The following MRPS9 variants were observed in gnomAD, a reference collection of about 807,000 sequenced individuals.
MRPS9 encodes mitochondrial ribosomal protein S9.
A neutral mutation model predicts 59.9 loss-of-function variants in MRPS9; 45 were observed. The observed-to-expected ratio is 0.75, with a 90% confidence interval of 0.59 to 0.96. The LOEUF is 0.96. Ranked by LOEUF, MRPS9 falls within the 40% of genes least tolerant of loss-of-function variation. The pLI, the probability that MRPS9 is intolerant of heterozygous loss-of-function variation, is 0.00. For synonymous variants in MRPS9, 171 were observed against 166.8 expected, an observed-to-expected ratio of 1.03 and a Z score of -0.19; for missense variants, 473 against 481.1, an observed-to-expected ratio of 0.98 and a Z score of 0.16.
intron 9 of MRPS9, 43 bp downstream of exon 9, chr2:105,093,681 C>A: frequency 1.1e-6 from 1 of 905,764 alleles, no homozygotes; most frequent in Non-Finnish European, 1.7e-6. Context: ...AGGAAACATA[C>A]TTTATAATAC....
At chr2:105,051,100 A>G (rs750217583) in intron 2 of MRPS9, among the ~76,000 whole-genome samples, 2 of 152,222 alleles carry the variant, frequency 1.3e-5, no homozygotes, top group Non-Finnish European at 2.9e-5. Flanking sequence ...TCTTATGTGT[A>G]TACCTTAGAA....
intron 5 of MRPS9, among the ~76,000 whole-genome samples, chr2:105,083,305 G>A (rs1460822276): frequency 6.6e-6 from 1 of 151,986 alleles, no homozygotes; most frequent in Non-Finnish European, 1.5e-5. Flanking sequence ...GTGGAGAAAG[G>A]ACTAGGCCAG....
At chr2:105,087,647 A>G (rs184501406) in intron 5 of MRPS9, among the ~76,000 whole-genome samples, 26 of 152,268 alleles carry the variant, frequency 1.7e-4, no homozygotes, top group Non-Finnish European at 3.2e-4. Flanking sequence ...AAACACTTAC[A>G]TGAATCTCCC....
intron 2 of MRPS9, among the ~76,000 whole-genome samples, chr2:105,056,573 G>A (rs1679794518): frequency 6.6e-6 from 1 of 152,172 alleles, no homozygotes; most frequent in African/African-American, 2.4e-5. Flanking sequence ...AAAGCCATTG[G>A]ACTCTGAATG....
At chr2:105,073,211 T>C (rs1397542900) in intron 4 of MRPS9, among the ~76,000 whole-genome samples, 2 of 152,152 alleles carry the variant, frequency 1.3e-5, no homozygotes, top group Non-Finnish European at 2.9e-5. Flanking sequence ...TCTCTTCTTA[T>C]ACATCTGCCC....
chr2:105,070,900 A>C (rs75405580), intron 2 of MRPS9, among the ~76,000 whole-genome samples: 4 of 152,240 alleles, frequency 2.6e-5, no homozygotes, highest in Non-Finnish European at 5.9e-5. Flanking sequence ...ATCTAAAAAC[A>C]TCAGGGGTGT....
chr2:105,074,885 G>C (rs1456123228), intron 4 of MRPS9, among the ~76,000 whole-genome samples: 1 of 152,182 alleles, frequency 6.6e-6, no homozygotes, highest in East Asian at 1.9e-4. Context: ...ACCAGGGGTT[G>C]GGGGATGGTT....
At chr2:105,058,659 G>T (rs1033900002) in intron 2 of MRPS9, among the ~76,000 whole-genome samples, 5 of 151,340 alleles carry the variant, frequency 3.3e-5, no homozygotes, top group Admixed American at 6.6e-5. Context: ...TAGATGACAT[G>T]CTGTAGTTTA....
chr2:105,077,482 A>G (rs1227386265), intron 4 of MRPS9, among the ~76,000 whole-genome samples: 2 of 143,786 alleles, frequency 1.4e-5, no homozygotes, highest in African/African-American at 2.6e-5. Flanking sequence ...TGGAAAAAGC[A>G]AGTAAAAAAA....
intron 2 of MRPS9, among the ~76,000 whole-genome samples, chr2:105,069,554 T>C (rs1448457550): frequency 3.9e-5 from 6 of 152,170 alleles, no homozygotes; most frequent in African/African-American, 7.2e-5. Context: ...TTTTGAGTCA[T>C]AGTTATGAAA....
At chr2:105,075,163 G>A (rs1397958433) in intron 4 of MRPS9, among the ~76,000 whole-genome samples, 2 of 152,124 alleles carry the variant, frequency 1.3e-5, no homozygotes, top group Non-Finnish European at 2.9e-5. Flanking sequence ...GAATCTAATC[G>A]CACTGTTGAT....
chr2:105,061,825 A>C (rs968350089), intron 2 of MRPS9, among the ~76,000 whole-genome samples: 1 of 152,176 alleles, frequency 6.6e-6, no homozygotes, highest in African/African-American at 2.4e-5. Flanking sequence ...CTAGAACGTA[A>C]GATGGAGGTC....
intron 2 of MRPS9, among the ~76,000 whole-genome samples, chr2:105,061,424 A>C (rs1432069743): frequency 1.3e-5 from 2 of 152,146 alleles, no homozygotes; most frequent in Non-Finnish European, 2.9e-5. Context: ...CTACAGGGGT[A>C]GTATGGGGTG....
At chr2:105,086,532 GATT>G (rs1407621040) in intron 5 of MRPS9, among the ~76,000 whole-genome samples, 1 of 152,208 alleles carries the variant, frequency 6.6e-6, no homozygotes, top group Non-Finnish European at 1.5e-5. Flanking sequence ...AAGATAGGTT[GATT>G]GTTGTTATTT....
intron 5 of MRPS9, among the ~76,000 whole-genome samples, chr2:105,080,511 A>G (rs552602425): frequency 6.6e-6 from 1 of 152,264 alleles, no homozygotes; most frequent in Admixed American, 6.5e-5. Context: ...TGAGCCTAGA[A>G]TTTGGGCCCC....
intron 2 of MRPS9, among the ~76,000 whole-genome samples, chr2:105,068,108 G>A (rs1436271206): frequency 1.3e-5 from 2 of 152,140 alleles, no homozygotes; most frequent in African/African-American, 4.8e-5. Flanking sequence ...TTTCTCCAAG[G>A]TACTTGGTTC....
rs767145979 is a variant in MRPS9, at chr2:105,097,207, G to C, written c.982G>C (p.Val328Leu). Residue 328 changes from valine to leucine, a missense_variant, in exon 10 of 11, where the codon GTG becomes CTG. Val to Leu is a conservative substitution (Grantham distance 32). Coordinates refer to ENST00000258455, the MANE Select transcript of MRPS9 (RefSeq NM_182640.3). ...TGTTGACCGGCTGGGAAAGCACGAC[G>C]TGACCTGCACAGTCTCAGGGGGCGG... ...HFVDRLGKHD[V>L]TCTVSGGGRS... 19 of 1,605,802 alleles carry C rather than the reference G, an allele frequency of 1.2e-5. No individual in the cohort carries two copies. The highest frequency in any genetic ancestry group is 1.6e-5 in the Non-Finnish European group (19 of 1,176,436).
Position 105,080,969 on chromosome 2 carries a change from G to A in MRPS9, c.489+907G>A, listed in dbSNP as rs115005735. 4.9e-3 allele frequency among the ~76,000 whole-genome samples: 750 copies of A among 152,092 alleles called. 2 individuals are homozygous for A. The highest frequency in any genetic ancestry group is 7.8e-3 in the Non-Finnish European group (529 of 67,994). On this transcript the variant is annotated intron_variant, in intron 5 of 10. Coordinates refer to ENST00000258455, the MANE Select transcript of MRPS9 (RefSeq NM_182640.3). ...TTGACCTTGGGCAAATGAGCTTCTTGCCCTGGCAGAAATGAAATGAATGAT... is the reference window on the plus strand; with the variant it reads ...TTGACCTTGGGCAAATGAGCTTCTTACCCTGGCAGAAATGAAATGAATGAT...
chr2:105,081,930 T>C (rs1311357768), intron 5 of MRPS9, among the ~76,000 whole-genome samples: 1 of 152,172 alleles, frequency 6.6e-6, no homozygotes, highest in Non-Finnish European at 1.5e-5. Flanking sequence ...ATAACACATA[T>C]CACGATCATC....
Sources: gnomAD v4.1 joint callset for allele counts (sites outside exome capture counted in the v4.1 genomes callset) on GRCh38, gnomAD v4.1.1 for gene constraint, MANE v1.5 for transcripts, NCBI Gene and HGNC (gene_info 2026-07-23, HGNC 2026-07-21) for gene names.